The following DCC variants were observed in gnomAD, a reference collection of about 807,000 sequenced individuals.
DCC encodes the protein DCC netrin 1 receptor.
Under a neutral mutation model 172.5 loss-of-function variants are expected in DCC, and 58 were observed. The ratio of observed to expected loss-of-function variants is 0.34; its 90% CI spans 0.27 to 0.42. The LOEUF (loss-of-function observed/expected upper bound fraction) is 0.42. DCC is among the 10% of genes least tolerant of loss of function. DCC has a pLI of 1.00. For missense variants in DCC, 1,740 were observed against 1,791.0 expected, an observed-to-expected ratio of 0.97 and a Z score of 0.51; for synonymous variants, 709 against 644.5, an observed-to-expected ratio of 1.10 and a Z score of -1.52.
chr18:52,584,268 A>G (rs943453894), intron 1 of DCC, among the ~76,000 whole-genome samples: 10 of 152,232 alleles, frequency 6.6e-5, no homozygotes, highest in African/African-American at 1.9e-4. Context: ...TCTCATTTCC[A>G]TTTATGAGGA....
At chr18:53,145,154 G>T (rs1181614909) in intron 7 of DCC, among the ~76,000 whole-genome samples, 1 of 107,386 alleles carries the variant, frequency 9.3e-6, no homozygotes, top group Non-Finnish European at 1.7e-5. Context: ...TTGCTCTGTT[G>T]CCCAGGCTGG....
At chr18:52,428,519 C>T (rs1433566541) in intron 1 of DCC, among the ~76,000 whole-genome samples, 1 of 152,032 alleles carries the variant, frequency 6.6e-6, no homozygotes, top group Non-Finnish European at 1.5e-5. Flanking sequence ...TATGTACCAT[C>T]GAAACCCAAC....
At chr18:52,844,916 T>C (rs750588793) in intron 2 of DCC, among the ~76,000 whole-genome samples, 1 of 152,188 alleles carries the variant, frequency 6.6e-6, no homozygotes, top group Non-Finnish European at 1.5e-5. Context: ...TTATAGTCAG[T>C]ATAGTCCATG....
chr18:52,916,999 T>C (rs1437236881), intron 3 of DCC, among the ~76,000 whole-genome samples: 1 of 151,476 alleles, frequency 6.6e-6, no homozygotes, highest in Non-Finnish European at 1.5e-5. Flanking sequence ...AAATATTTAA[T>C]AGACTGGGCA....
intron 1 of DCC, among the ~76,000 whole-genome samples, chr18:52,681,809 G>A (rs1335382215): frequency 2.0e-5 from 3 of 152,068 alleles, no homozygotes; most frequent in Admixed American, 6.6e-5. Context: ...TGTGCCATTC[G>A]TAACAGAAAG....
intron 1 of DCC, among the ~76,000 whole-genome samples, chr18:52,726,513 C>T (rs141034153): frequency 4.2e-4 from 64 of 152,248 alleles, no homozygotes; most frequent in African/African-American, 1.3e-3. Flanking sequence ...CACAATGCAC[C>T]TGATTCTCCA....
chr18:52,381,241 G>C (rs1985571806), intron 1 of DCC, among the ~76,000 whole-genome samples: 1 of 152,240 alleles, frequency 6.6e-6, no homozygotes, highest in South Asian at 2.1e-4. Flanking sequence ...TCCTATAGTA[G>C]ATGAAAATTT....
intron 27 of DCC, among the ~76,000 whole-genome samples, chr18:53,520,762 G>T (rs1332134840): frequency 6.6e-6 from 1 of 152,056 alleles, no homozygotes; most frequent in Non-Finnish European, 1.5e-5. Flanking sequence ...GGAAATCTTG[G>T]TTTTCAAACA....
intron 25 of DCC, among the ~76,000 whole-genome samples, chr18:53,471,439 G>GCCTTTA (rs1209950528): frequency 1.3e-5 from 2 of 152,024 alleles, no homozygotes; most frequent in Non-Finnish European, 2.9e-5. Flanking sequence ...ATTAGCCTTT[G>GCCTTTA]CCTTTACAGT....
chr18:53,157,078 A>T (rs931891784), intron 7 of DCC, among the ~76,000 whole-genome samples: 1 of 152,072 alleles, frequency 6.6e-6, no homozygotes, highest in Non-Finnish European at 1.5e-5. Flanking sequence ...CTGAGCAGAC[A>T]TTTTTTTCCC....
intron 1 of DCC, among the ~76,000 whole-genome samples, chr18:52,377,616 C>T (rs1044306289): frequency 6.8e-6 from 1 of 146,634 alleles, no homozygotes; most frequent in African/African-American, 2.6e-5. Context: ...GTCTTTGCCA[C>T]CCATTGCAAC....
intron 2 of DCC, among the ~76,000 whole-genome samples, chr18:52,832,816 T>C (rs1414981687): frequency 6.6e-6 from 1 of 152,172 alleles, no homozygotes; most frequent in African/African-American, 2.4e-5. Flanking sequence ...TTTGCCAGTT[T>C]GGGGTACACT....
At chr18:53,462,693 G>A (rs918554621) in intron 24 of DCC, among the ~76,000 whole-genome samples, 2 of 152,054 alleles carry the variant, frequency 1.3e-5, no homozygotes, top group African/African-American at 4.8e-5. Context: ...CTGGTCCGTG[G>A]TGCCAAAAAG....
At chr18:52,427,566 T>C (rs994494392) in intron 1 of DCC, among the ~76,000 whole-genome samples, 3 of 151,950 alleles carry the variant, frequency 2.0e-5, no homozygotes, top group Non-Finnish European at 4.4e-5. Flanking sequence ...AAGACAAATA[T>C]ACTCCCAATC....
intron 2 of DCC, among the ~76,000 whole-genome samples, chr18:52,820,064 T>C: frequency 6.6e-6 from 1 of 152,130 alleles, no homozygotes; most frequent in Non-Finnish European, 1.5e-5. Context: ...GGAGTGAGCA[T>C]GATTGTTGGG....
chr18:52,385,079 A>G (rs16954819), intron 1 of DCC, among the ~76,000 whole-genome samples: 7,216 of 152,176 alleles, frequency 0.047, 552 homozygotes, highest in African/African-American at 0.16. Flanking sequence ...CTAGGGTGAT[A>G]AAAAGTGCAT....
intron 24 of DCC, among the ~76,000 whole-genome samples, chr18:53,463,278 G>A (rs1305503998): frequency 6.6e-6 from 1 of 152,112 alleles, no homozygotes; most frequent in Non-Finnish European, 1.5e-5. Context: ...CTCTTAATAA[G>A]TCCTGGGGGA....
chr18:52,891,297 G>A (rs2039647018), intron 2 of DCC, among the ~76,000 whole-genome samples: 1 of 151,956 alleles, frequency 6.6e-6, no homozygotes, highest in Non-Finnish European at 1.5e-5. Context: ...GGCAATGATG[G>A]GGAATGTTTA....
At chr18:52,636,636 G>C (rs952229176) in intron 1 of DCC, among the ~76,000 whole-genome samples, 6 of 151,888 alleles carry the variant, frequency 4.0e-5, no homozygotes, top group Non-Finnish European at 7.4e-5. Context: ...TACAACTCCA[G>C]TATACAACTC....
Sources: gnomAD v4.1 joint callset for allele counts (sites outside exome capture counted in the v4.1 genomes callset) on GRCh38, gnomAD v4.1.1 for gene constraint, MANE v1.5 for transcripts, NCBI Gene and HGNC (gene_info 2026-07-23, HGNC 2026-07-21) for gene names.